The following SYPL2 variants were observed in gnomAD, a reference collection of about 807,000 sequenced individuals.
SYPL2 encodes the protein synaptophysin-like protein 2.
SYPL2 carries 24 observed loss-of-function variants against 31.3 expected under a neutral mutation model. The observed-to-expected ratio is 0.77, with a 90% CI of 0.56 to 1.08. The LOEUF (loss-of-function observed/expected upper bound fraction) is 1.08. Among genes scored for constraint, SYPL2 ranks in the 50% least tolerant of loss-of-function variants. The probability of loss-of-function intolerance (pLI) is 0.00; values close to 1 mark genes in which losing one functional copy is unlikely to be tolerated. For missense variants in SYPL2, 342 were observed against 360.1 expected (o/e 0.95, Z 0.41); for synonymous variants, 144 against 143.1 (o/e 1.01, Z -0.05).
At chr1:109,476,115 A>AAC (rs1655991215) in intron 3 of SYPL2, among the ~76,000 whole-genome samples, 1 of 152,100 alleles carries the variant, frequency 6.6e-6, no homozygotes, top group South Asian at 2.1e-4. Context: ...TTGATGTGGG[A>AAC]TCCTCAGCCA....
chr1:109,479,146 TAC>T (rs1656088385), intron 5 of SYPL2, among the ~76,000 whole-genome samples: 1 of 152,226 alleles, frequency 6.6e-6, no homozygotes, highest in Non-Finnish European at 1.5e-5. Context: ...GTGACCAAGC[TAC>T]AGCTTGGGTG....
chr1:109,477,028 A>C (rs1557861384), intron 4 of SYPL2, 51 bp downstream of exon 4: 1 of 1,605,254 alleles, frequency 6.2e-7, no homozygotes. Flanking sequence ...GATGTTTGTG[A>C]GGGGGTTGAG....
intron 2 of SYPL2, among the ~76,000 whole-genome samples, chr1:109,472,639 T>C (rs1396610628): frequency 8.4e-6 from 1 of 118,960 alleles, no homozygotes; most frequent in Non-Finnish European, 1.7e-5. Flanking sequence ...GAGATGGGGG[T>C]CTTGTTCTGT....
rs1033091427 is a variant in SYPL2, at chr1:109,467,085, C to G, written c.81C>G (p.Arg27=). The G allele has an allele frequency of 6.5e-7, 1 of 1,545,234 alleles. No homozygotes were observed. The highest frequency in any genetic ancestry group is 2.4e-5 in the East Asian group (1 of 40,880). ...TGGACCGCCTACTCGTGGGGCTGCG[C>G]TGGCGGCGGCTGGAGGAGCCGCTGG... ...QQVDRLLVGL[R]WRRLEEPLGF... The change falls in exon 2 of 6, where the codon CGC becomes CGG. Residue 27 remains arginine, a synonymous_variant. Transcript: ENST00000369872.
rs1334077145 is a variant in SYPL2 at position 109,475,928 on chromosome 1, G to A, written c.254+223G>A. Among the ~76,000 whole-genome samples, 56 of 152,170 alleles carry A rather than the reference G, an allele frequency of 3.7e-4. 1 individual carries two copies. Among genetic ancestry groups the A allele is most frequent in the Non-Finnish European group, 5.9e-5 (4 of 68,026 alleles). Reference sequence around the variant, plus strand: ...ACAGATTGATCACTGTTATAATAATGTTCCAGTCCATGGACAACCCATGGC... The same window carrying A: ...ACAGATTGATCACTGTTATAATAATATTCCAGTCCATGGACAACCCATGGC... On this transcript the variant is annotated intron_variant, in intron 3 of 5. Coordinates refer to ENST00000369872, the MANE Select transcript of SYPL2 (RefSeq NM_001040709.2).
Position 109,481,012 on chromosome 1 carries a change from T to A in SYPL2, c.*1464T>A, listed in dbSNP as rs958359379. On this transcript the variant is annotated 3_prime_UTR_variant, in exon 6 of 6. Transcript: ENST00000369872. ...CGACCACTTTCCAATCCAGTGCCAA[T>A]TGGCCCACTAAGCATCCTAAAGGTG... is the stretch of plus-strand genomic sequence containing the variant. 1 of 152,692 alleles carries A rather than the reference T, an allele frequency of 6.5e-6. No homozygotes were observed. The highest frequency in any genetic ancestry group is 1.5e-5 in the Non-Finnish European group (1 of 68,092). 9.5% of individuals were successfully genotyped at this position (152,692 alleles called of 1,614,324 possible).
chr1:109,466,756 C>A lies in SYPL2; in HGVS notation c.-88C>A. 2 of 1,389,390 alleles carry A rather than the reference C, an allele frequency of 1.4e-6. No individual in the cohort carries two copies. The highest frequency in any genetic ancestry group is 1.9e-6 in the Non-Finnish European group (2 of 1,068,328). The allele number at this position is 1,389,390 out of a possible 1,614,324, so 86.1% of individuals were successfully genotyped here. ...CCCGCTCGCCTGCTCTGCCCCGGAC[C>A]TGCAGCTCCCCGCTCCCCCGCCGTG... is the stretch of plus-strand genomic sequence containing the variant. On this transcript the variant is annotated 5_prime_UTR_variant, in exon 1 of 6. The change creates a new upstream start codon in the 5' untranslated region. Coordinates refer to ENST00000369872, the MANE Select transcript of SYPL2 (RefSeq NM_001040709.2).
rs879186825 is a variant in SYPL2 at position 109,475,617 on chromosome 1, T to C, written c.166T>C (p.Tyr56His). The change falls in exon 3 of 6, where the codon TAC (tyrosine) becomes CAC (histidine). Residue 56 changes from tyrosine (Y) to histidine (H), a missense_variant. Transcript: ENST00000369872. ...AIFAFGSCGS[Y>H]SGETGAMVRC... ...TTTCGCCTTCGGGTCCTGTGGCTCC[T>C]ACAGCGGGGAGACAGGAGCAATGGT... The C allele has an allele frequency of 1.2e-6, 2 of 1,614,052 alleles. No homozygotes were observed. The highest frequency in any genetic ancestry group is 1.3e-5 in the African/African-American group (1 of 74,934).
chr1:109,477,004 G>C (rs1258129316), intron 4 of SYPL2, 27 bp downstream of exon 4: 2 of 1,613,304 alleles, frequency 1.2e-6, no homozygotes, highest in Non-Finnish European at 1.7e-6. Flanking sequence ...CAGAAGGAAT[G>C]GGGTGGAGAA....
chr1:109,473,188 T>C lies in SYPL2; in HGVS notation c.130-2393T>C, dbSNP rs200229301. 7.2e-5 allele frequency among the ~76,000 whole-genome samples: 11 copies of C among 152,282 alleles called. No homozygotes were observed. The East Asian group carries it at 2.1e-3, about 29-fold the overall frequency. On this transcript the variant is annotated intron_variant, in intron 2 of 5. Coordinates refer to ENST00000369872, the MANE Select transcript of SYPL2 (RefSeq NM_001040709.2). ...ACTTTGAGTAAGTAAAGGGTAATGA[T>C]GCAGAGGCTTCGAGTGACTCTTCTC...
In SYPL2 at chr1:109,480,485, T is replaced by C. The variant is rs773187309; in HGVS notation, c.*937T>C. 1 of 152,244 alleles carries C rather than the reference T, an allele frequency of 6.6e-6. No individual in the cohort carries two copies. The highest frequency in any genetic ancestry group is 1.5e-5 in the Non-Finnish European group (1 of 68,106). 9.4% of individuals were successfully genotyped at this position (152,244 alleles called of 1,614,324 possible). ...CCCCAGCATCGTGCATCTGAGGCATTTGAGATCCTTTTTGAAGTCTGTCCA... is the reference window on the plus strand; with the variant it reads ...CCCCAGCATCGTGCATCTGAGGCATCTGAGATCCTTTTTGAAGTCTGTCCA... On this transcript the variant is annotated 3_prime_UTR_variant, in exon 6 of 6. Coordinates refer to ENST00000369872, the MANE Select transcript of SYPL2 (RefSeq NM_001040709.2).
At chr1:109,472,283 A>G (rs1655858939) in intron 2 of SYPL2, among the ~76,000 whole-genome samples, 1 of 151,410 alleles carries the variant, frequency 6.6e-6, no homozygotes, top group Non-Finnish European at 1.5e-5. Context: ...CACCTGGCTA[A>G]TTTTTCTTGG....
chr1:109,480,944 C>T lies in SYPL2; in HGVS notation c.*1396C>T, dbSNP rs985106136. On this transcript the variant is annotated 3_prime_UTR_variant, in exon 6 of 6. Transcript: ENST00000369872. Reference sequence around the variant, plus strand: ...TGCTTCCTACCCAGCTCAATCTGCCCTGGCCATAGGGCTTCCCAGGGAAGG... The same window carrying T: ...TGCTTCCTACCCAGCTCAATCTGCCTTGGCCATAGGGCTTCCCAGGGAAGG... 3 of 152,646 alleles carry T rather than the reference C, an allele frequency of 2.0e-5. No individual in the cohort carries two copies. Among genetic ancestry groups the T allele is most frequent in the African/African-American group, 7.2e-5 (3 of 41,434 alleles). The allele number at this position is 152,646 out of a possible 1,614,324, so 9.5% of individuals were successfully genotyped here. A position where few individuals can be genotyped will look rare whatever the true frequency, so the allele number is the denominator to read the frequency against.
rs972375479 is a variant in SYPL2, at chr1:109,479,737, T to C, written c.*189T>C. ...CCTCTCAGTGGCTTCCTATCCTCCT[T>C]CTTGCTGGAGCCATGAATGGCAGGA... On this transcript the variant is annotated 3_prime_UTR_variant, in exon 6 of 6. Coordinates refer to ENST00000369872, the MANE Select transcript of SYPL2 (RefSeq NM_001040709.2). 4 of 815,882 alleles carry C rather than the reference T, an allele frequency of 4.9e-6. No homozygotes were observed. Among genetic ancestry groups the C allele is most frequent in the African/African-American group, 1.7e-5 (1 of 57,862 alleles). 50.5% of individuals were successfully genotyped at this position (815,882 alleles called of 1,614,324 possible).
intron 2 of SYPL2, among the ~76,000 whole-genome samples, chr1:109,472,939 T>C (rs1389089015): frequency 1.3e-5 from 2 of 152,120 alleles, no homozygotes; most frequent in Admixed American, 1.3e-4. Flanking sequence ...TTAAGGAACC[T>C]ATAAGGAGCC....
At chr1:109,467,508 C>T (rs1271906091) in intron 2 of SYPL2, among the ~76,000 whole-genome samples, 3 of 152,120 alleles carry the variant, frequency 2.0e-5, no homozygotes, top group South Asian at 4.2e-4. Flanking sequence ...GTCCGCTCTT[C>T]ACCAAGAGGG....
In SYPL2 at chr1:109,477,110, C is replaced by A. The variant is rs1456961500; in HGVS notation, c.456+133C>A. ...GTGGAACCTCTGCCTCCATCAACCT[C>A]CCGTTGCTTGCTCCTGTTCACAGGA... On this transcript the variant is annotated intron_variant, in intron 4 of 5. Coordinates refer to ENST00000369872, the MANE Select transcript of SYPL2 (RefSeq NM_001040709.2). The A allele has an allele frequency of 8.5e-6, 9 of 1,060,724 alleles. No individual in the cohort carries two copies. The Admixed American group carries it at 1.8e-4, about 21-fold the overall frequency. The allele number at this position is 1,060,724 out of a possible 1,614,324, so 65.7% of individuals were successfully genotyped here.
At chr1:109,472,605 C>CTTTTTTTTTTTT (rs59224604) in intron 2 of SYPL2, among the ~76,000 whole-genome samples, 2 of 71,084 alleles carry the variant, frequency 2.8e-5, no homozygotes, top group African/African-American at 1.2e-4. Context: ...TTTTTCTTTA[C>CTTTTTTTTTTTT]TTTTTTTTTT....
intron 4 of SYPL2, among the ~76,000 whole-genome samples, chr1:109,477,393 T>C (rs1656034119): frequency 6.6e-6 from 1 of 152,330 alleles, no homozygotes; most frequent in African/African-American, 2.4e-5. Context: ...TATTCCTCTT[T>C]ACTCTCTTCC....
Sources: gnomAD v4.1 joint callset for allele counts (sites outside exome capture counted in the v4.1 genomes callset) on GRCh38, gnomAD v4.1.1 for gene constraint, MANE v1.5 for transcripts, NCBI Gene and HGNC (gene_info 2026-07-23, HGNC 2026-07-21) for gene names.